The following PRR12 variants were observed in gnomAD, a reference collection of about 807,000 sequenced individuals.
PRR12 encodes the protein proline rich 12, also known as proline-rich protein 12.
A neutral mutation model predicts 138.0 loss-of-function variants in PRR12; 12 were observed. The ratio of observed to expected loss-of-function variants is 0.09; its 90% CI spans 0.06 to 0.14. The LOEUF (loss-of-function observed/expected upper bound fraction) is 0.14, where lower values mean the gene tolerates loss of function less well. Among genes scored for constraint, PRR12 ranks in the 10% least tolerant of loss-of-function variants. PRR12 has a pLI of 1.00. For missense variants in PRR12, 2,692 were observed against 2,861.3 expected, an observed-to-expected ratio of 0.94 and a Z score of 1.35; for synonymous variants, 1,567 against 1,291.7, an observed-to-expected ratio of 1.21 and a Z score of -4.57.
At position 49,597,708 on chromosome 19, in the gene PRR12, G is replaced by A. The variant is rs202038770; in HGVS notation, c.3373G>A (p.Val1125Ile). Residue 1125 changes from valine to isoleucine, a missense_variant, in exon 4 of 14, where the codon GTC (valine) becomes ATC (isoleucine). By Grantham distance (29) the Val-to-Ile change is conservative (BLOSUM62 3). Transcript: ENST00000418929. The surrounding 1 kb of genome is among the most constrained non-coding windows in gnomAD (Gnocchi z 6.3). ...CAACCCCCGGCGCTTGCCTGACCTGGTCTCCAGCTGCCGCTCCCGTCCGGC... is the reference window on the plus strand; with the variant it reads ...CAACCCCCGGCGCTTGCCTGACCTGATCTCCAGCTGCCGCTCCCGTCCGGC... ...RLNPRRLPDL[V>I]SSCRSRPALS... is the part of the protein sequence containing the mutation. 3.0e-3 allele frequency: 4,890 copies of A among 1,606,608 alleles called. 11 individuals are homozygous for A. The highest frequency in any genetic ancestry group is 3.8e-3 in the Non-Finnish European group (4,494 of 1,177,756).
chr19:49,599,709 G>C lies in PRR12; in HGVS notation c.4116G>C (p.Arg1372=). 6.2e-7 allele frequency: 1 copy of C among 1,613,544 alleles called. No homozygotes were observed. Among genetic ancestry groups the C allele is most frequent in the Non-Finnish European group, 8.5e-7 (1 of 1,179,872 alleles). Residue 1372 remains arginine, a synonymous_variant, in exon 5 of 14, where the codon CGG becomes CGC. Coordinates refer to ENST00000418929, the MANE Select transcript of PRR12 (RefSeq NM_020719.3). This position sits in a 1 kb window ranked among gnomAD's most constrained non-coding sequence, Gnocchi z 5.0. Reference sequence around the variant, plus strand: ...AGCGGCTTGATGAGGAGCTGAAGCGGAACCTCGAGACGCTGCCCTCCTTCT... The same window carrying C: ...AGCGGCTTGATGAGGAGCTGAAGCGCAACCTCGAGACGCTGCCCTCCTTCT... ...PCKRLDEELK[R]NLETLPSFSS...
chr19:49,608,726 G>A (rs1179235666), intron 6 of PRR12, among the ~76,000 whole-genome samples: 1 of 151,938 alleles, frequency 6.6e-6, no homozygotes, highest in East Asian at 1.9e-4. Flanking sequence ...TGTAGTCCCG[G>A]CTACTGGAGA....
rs1210149743 is a variant in PRR12 at position 49,597,644 on chromosome 19, G to A, written c.3309G>A (p.Ala1103=). The A allele has an allele frequency of 6.2e-6, 10 of 1,608,574 alleles. No homozygotes were observed. The highest frequency in any genetic ancestry group is 1.6e-4 in the Middle Eastern group (1 of 6,084). The change falls in exon 4 of 14, where the codon GCG becomes GCA. Residue 1103 remains alanine (A), a synonymous_variant. Coordinates refer to ENST00000418929, the MANE Select transcript of PRR12 (RefSeq NM_020719.3). The surrounding 1 kb of genome is among the most constrained non-coding windows in gnomAD (Gnocchi z 6.3). ...ACGCCCAGGAGTACGAGTTCGAGGCGGACGAGGACAAGGCCGATGTTCCCG... is the reference window on the plus strand; with the variant it reads ...ACGCCCAGGAGTACGAGTTCGAGGCAGACGAGGACAAGGCCGATGTTCCCG... ...KLYAQEYEFE[A]DEDKADVPAD...
chr19:49,615,920 C>A lies in PRR12; in HGVS notation c.5198C>A (p.Ser1733Tyr). The change falls in exon 9 of 14, where the codon TCC (serine) becomes TAC (tyrosine). Residue 1733 changes from serine to tyrosine, a missense_variant. Physicochemically the swap from Ser to Tyr is moderately radical, Grantham distance 144 (BLOSUM62 -2). Coordinates refer to ENST00000418929, the MANE Select transcript of PRR12 (RefSeq NM_020719.3). The part of the protein sequence containing the change: ...MPEPPAPEKP[S>Y]LLRPVEKEKE... ...GAGCCCCCTGCCCCCGAGAAGCCCTCCCTCCTGCGGCCTGTTGAGAAGGAA... is the reference window on the plus strand; with the variant it reads ...GAGCCCCCTGCCCCCGAGAAGCCCTACCTCCTGCGGCCTGTTGAGAAGGAA... 6.4e-7 allele frequency: 1 copy of A among 1,559,516 alleles called. No homozygotes were observed. Among genetic ancestry groups the A allele is most frequent in the Non-Finnish European group, 8.7e-7 (1 of 1,151,574 alleles).
chr19:49,594,749 T>C lies in PRR12; in HGVS notation c.414T>C (p.Gly138=). 6.2e-7 allele frequency: 1 copy of C among 1,612,926 alleles called. No individual in the cohort carries two copies. The highest frequency in any genetic ancestry group is 8.5e-7 in the Non-Finnish European group (1 of 1,179,680). Residue 138 remains glycine, a synonymous_variant, in exon 4 of 14, where the codon GGT becomes GGC. Coordinates refer to ENST00000418929, the MANE Select transcript of PRR12 (RefSeq NM_020719.3). This position sits in a 1 kb window ranked among gnomAD's most constrained non-coding sequence, Gnocchi z 5.6. ...TCTTCATCTCGGGTGCCCTGCCGGG[T>C]TCCAGCACCTTTCCGTCCTCATCTG... The part of the protein sequence containing the change: ...TELFISGALP[G]SSTFPSSSAL...
chr19:49,597,602 G>C lies in PRR12; in HGVS notation c.3267G>C (p.Gln1089His), dbSNP rs1327174189. The stretch of plus-strand genomic sequence containing the variant: ...TGCGGCGCCGCGACCCACCCTTCCA[G>C]ACCCCCAAGAAGCTGTACGCCCAGG... ...HLLRRRDPPF[Q>H]TPKKLYAQEY... Residue 1089 changes from glutamine (Q) to histidine (H), a missense_variant, in exon 4 of 14, where the codon CAG becomes CAC. Gln to His is a conservative substitution (Grantham distance 24). Transcript: ENST00000418929. This position sits in a 1 kb window ranked among gnomAD's most constrained non-coding sequence, Gnocchi z 6.3. 1 of 1,609,688 alleles carries C rather than the reference G, an allele frequency of 6.2e-7. No individual in the cohort carries two copies. The highest frequency in any genetic ancestry group is 1.7e-5 in the Admixed American group (1 of 59,690).
At chr19:49,592,698 A>G (rs1029074771) in intron 1 of PRR12, among the ~76,000 whole-genome samples, 1 of 152,076 alleles carries the variant, frequency 6.6e-6, no homozygotes, top group Non-Finnish European at 1.5e-5. Flanking sequence ...CATACCTGGC[A>G]TTGCATGGGC....
rs2080753128 is a variant in PRR12 at position 49,594,763 on chromosome 19, C to A, written c.428C>A (p.Pro143Gln). ...SGALPGSSTFPSSSALSAYQH... is the reference protein window; with the variant it reads ...SGALPGSSTFQSSSALSAYQH... ...GCCCTGCCGGGTTCCAGCACCTTTCCGTCCTCATCTGCCCTGTCGGCTTAC... is the reference window on the plus strand; with the variant it reads ...GCCCTGCCGGGTTCCAGCACCTTTCAGTCCTCATCTGCCCTGTCGGCTTAC... The change falls in exon 4 of 14, where the codon CCG becomes CAG. Residue 143 changes from proline (P) to glutamine (Q), a missense_variant. Physicochemically the swap from Pro to Gln is moderately conservative, Grantham distance 76. Coordinates refer to ENST00000418929, the MANE Select transcript of PRR12 (RefSeq NM_020719.3). The surrounding 1 kb of genome is among the most constrained non-coding windows in gnomAD (Gnocchi z 5.6). 6.2e-7 allele frequency: 1 copy of A among 1,613,528 alleles called. No individual in the cohort carries two copies. The highest frequency in any genetic ancestry group is 8.5e-7 in the Non-Finnish European group (1 of 1,179,820).
chr19:49,607,154 A>G (rs1027884300), intron 6 of PRR12, among the ~76,000 whole-genome samples: 1 of 152,004 alleles, frequency 6.6e-6, no homozygotes, highest in African/African-American at 2.4e-5. Flanking sequence ...AAAGAAAGAA[A>G]TTAGCCATAG....
rs2080895244 is a variant in PRR12 at position 49,616,751 on chromosome 19, A to G, written c.5497+532A>G. The stretch of plus-strand genomic sequence containing the variant: ...AATGGGTTCATAATAGACGAAGCTC[A>G]TAGGAGAGTGCCAATCTTTAGTAGA... On this transcript the variant is annotated intron_variant, in intron 9 of 13. Transcript: ENST00000418929. This position sits in a 1 kb window ranked among gnomAD's most constrained non-coding sequence, Gnocchi z 4.2. 6.6e-6 allele frequency among the ~76,000 whole-genome samples: 1 copy of G among 152,170 alleles called. No individual in the cohort carries two copies. The highest frequency in any genetic ancestry group is 1.5e-5 in the Non-Finnish European group (1 of 68,028).
intron 6 of PRR12, among the ~76,000 whole-genome samples, chr19:49,611,038 C>T (rs1238900864): frequency 6.6e-6 from 1 of 151,392 alleles, no homozygotes; most frequent in African/African-American, 2.4e-5. Context: ...GACGGGGTTT[C>T]ACCATGTTGG....
rs896051961 is a variant in PRR12, at chr19:49,616,051, G to T, written c.5329G>T (p.Ala1777Ser). 1 of 1,561,480 alleles carries T rather than the reference G, an allele frequency of 6.4e-7. No individual in the cohort carries two copies. Among genetic ancestry groups the T allele is most frequent in the Non-Finnish European group, 8.7e-7 (1 of 1,153,378 alleles). Residue 1777 changes from alanine (A) to serine (S), a missense_variant, in exon 9 of 14, where the codon GCC becomes TCC. By Grantham distance (99) the Ala-to-Ser change is moderately conservative. Around this residue, in one of 11 missense-constraint regions of PRR12, gnomAD observed 259 missense variants for 265.1 expected, o/e 0.98. Transcript: ENST00000418929. The surrounding 1 kb of genome is among the most constrained non-coding windows in gnomAD (Gnocchi z 4.2). Reference protein sequence around the residue: ...PERSLATGQPATSRLPKARPT... With the variant: ...PERSLATGQPSTSRLPKARPT... ...GCGGAGTCTCGCCACGGGACAACCT[G>T]CCACATCCCGGCTGCCCAAAGCCCG...
chr19:49,621,653 G>T, intron 11 of PRR12, 31 bp downstream of exon 11: 1 of 1,524,122 alleles, frequency 6.6e-7, no homozygotes, highest in East Asian at 2.4e-5. Flanking sequence ...GGGGTGTCTG[G>T]GGCCCAGGGT....
At position 49,624,906 on chromosome 19, in the gene PRR12, G is replaced by T. The variant is rs2080946741; in HGVS notation, c.5784G>T (p.Glu1928Asp). ...AGAGTGGGGAGGGCTCTCCGGAAGA[G>T]GGGGCTGTGCGGCTGCGGCCTGCTG... is the stretch of plus-strand genomic sequence containing the variant. ...VEQSGEGSPE[E>D]GAVRLRPAGE... The change falls in exon 12 of 14, where the codon GAG (glutamate) becomes GAT (aspartate). Residue 1928 changes from glutamate to aspartate, a missense_variant. Coordinates refer to ENST00000418929, the MANE Select transcript of PRR12 (RefSeq NM_020719.3). The T allele has an allele frequency of 3.1e-6, 5 of 1,608,986 alleles. No homozygotes were observed. The highest frequency in any genetic ancestry group is 4.2e-6 in the Non-Finnish European group (5 of 1,177,516).
Position 49,591,662 on chromosome 19 carries a change from G to A in PRR12, c.8G>A (p.Arg3Lys). The A allele has an allele frequency of 8.0e-7, 1 of 1,251,608 alleles. No homozygotes were observed. The highest frequency in any genetic ancestry group is 1.0e-6 in the Non-Finnish European group (1 of 979,418). The allele number at this position is 1,251,608 out of a possible 1,614,324, so 77.5% of individuals were successfully genotyped here. ...TTCCACCGCGGCCAATTCATGGACA[G>A]GAACTACCCCAGCGCCGGCTTCGGG... The part of the protein sequence containing the change: MD[R>K]NYPSAGFGDP... The change falls in exon 1 of 14, where the codon AGG becomes AAG. Residue 3 changes from arginine (R) to lysine (K), a missense_variant. By Grantham distance (26) the Arg-to-Lys change is conservative (BLOSUM62 2). Around this residue, in one of 11 missense-constraint regions of PRR12, gnomAD observed 211 missense variants for 266.3 expected, o/e 0.79. Transcript: ENST00000418929.
intron 1 of PRR12, among the ~76,000 whole-genome samples, 194 bp downstream of exon 1, chr19:49,591,934 C>T (rs181928293): frequency 6.6e-6 from 1 of 152,250 alleles, no homozygotes; most frequent in Admixed American, 6.5e-5. Flanking sequence ...CCAAAGCCAG[C>T]TCCGGCATGC....
In PRR12 at chr19:49,596,930, C is replaced by G. The variant is rs760066216; in HGVS notation, c.2595C>G (p.Ser865Arg). 8.4e-6 allele frequency: 13 copies of G among 1,548,836 alleles called. No individual in the cohort carries two copies. The highest frequency in any genetic ancestry group is 1.0e-5 in the Non-Finnish European group (12 of 1,153,398). Residue 865 changes from serine to arginine, a missense_variant, in exon 4 of 14, where the codon AGC becomes AGG. Physicochemically the swap from Ser to Arg is moderately radical, Grantham distance 110 (BLOSUM62 -1). Around this residue, in one of 11 missense-constraint regions of PRR12, gnomAD observed 840 missense variants for 689.8 expected, o/e 1.22. Coordinates refer to ENST00000418929, the MANE Select transcript of PRR12 (RefSeq NM_020719.3). This position sits in a 1 kb window ranked among gnomAD's most constrained non-coding sequence, Gnocchi z 5.6. ...RSHGLEPAAPSPRLRPEESLD... is the reference protein window; with the variant it reads ...RSHGLEPAAPRPRLRPEESLD... ...ATGGCCTGGAGCCCGCGGCCCCCAG[C>G]CCCCGCCTGCGACCCGAGGAGAGCC... is the stretch of plus-strand genomic sequence containing the variant.
At chr19:49,615,687 TGAG>T in intron 8 of PRR12, 57 bp from the exon 9 acceptor site, 1 of 1,427,094 alleles carries the variant, frequency 7.0e-7, no homozygotes, top group Non-Finnish European at 9.7e-7. Context: ...GCAGGGACCC[TGAG>T]GAGAATTTGG....
chr19:49,597,911 G>T lies in PRR12; in HGVS notation c.3576G>T (p.Thr1192=). The change falls in exon 4 of 14, where the codon ACG becomes ACT. Residue 1192 remains threonine (T), a synonymous_variant. Coordinates refer to ENST00000418929, the MANE Select transcript of PRR12 (RefSeq NM_020719.3). This position sits in a 1 kb window ranked among gnomAD's most constrained non-coding sequence, Gnocchi z 6.3. ...PTTAGPASAS[T]PTDGAKKPRG... The stretch of plus-strand genomic sequence containing the variant: ...CTGCGGGGCCCGCCTCGGCCTCCAC[G>T]CCCACCGATGGCGCCAAGAAACCCC... 4 of 1,408,002 alleles carry T rather than the reference G, an allele frequency of 2.8e-6. No individual in the cohort carries two copies. In the South Asian group the frequency reaches 4.9e-5, roughly 17 times the overall value. 87.2% of individuals were successfully genotyped at this position (1,408,002 alleles called of 1,614,324 possible).
Sources: gnomAD v4.1 joint callset for allele counts (sites outside exome capture counted in the v4.1 genomes callset) on GRCh38, gnomAD v4.1.1 for gene constraint, gnomAD v4.1.1 regional missense constraint, Gnocchi (gnomAD v3.1) non-coding constraint, MANE v1.5 for transcripts, NCBI Gene and HGNC (gene_info 2026-07-23, HGNC 2026-07-21) for gene names.